PTCD2: variants seen among roughly 807,000 people sequenced by gnomAD.
The protein encoded by PTCD2 is pentatricopeptide repeat-containing protein 2, mitochondrial.
In PTCD2, 31 loss-of-function variants were observed where a neutral mutation model predicts 42.6. The observed-to-expected ratio is 0.73, with a 90% CI of 0.55 to 0.98. PTCD2 has a LOEUF of 0.98. PTCD2 is among the 50% of genes least tolerant of loss of function. The pLI, the probability that PTCD2 is intolerant of heterozygous loss-of-function variation, is 0.00. For missense variants in PTCD2, 476 were observed against 454.8 expected (o/e 1.05, Z -0.42); for synonymous variants, 183 against 170.9 (o/e 1.07, Z -0.55).
In PTCD2 at chr5:72,322,156, T is replaced by G. The variant is rs1264893679; in HGVS notation, c.128-16T>G. 1 of 1,395,624 alleles carries G rather than the reference T, an allele frequency of 7.2e-7. No individual in the cohort carries two copies. Among genetic ancestry groups the G allele is most frequent in the Admixed American group, 1.7e-5 (1 of 57,442 alleles). 86.5% of individuals were successfully genotyped at this position (1,395,624 alleles called of 1,614,324 possible). ...CAGTCAAAATGACTTTACTTTTTTCTTTCTCTGATTTTTAGCTAAAAGATA... is the reference window on the plus strand; with the variant it reads ...CAGTCAAAATGACTTTACTTTTTTCGTTCTCTGATTTTTAGCTAAAAGATA... On this transcript the variant is annotated splice_polypyrimidine_tract_variant and intron_variant, in intron 1 of 9. Coordinates refer to ENST00000380639, the MANE Select transcript of PTCD2 (RefSeq NM_024754.5).
chr5:72,329,762 C>T (rs564376667), intron 3 of PTCD2, among the ~76,000 whole-genome samples: 8 of 152,080 alleles, frequency 5.3e-5, no homozygotes, highest in Admixed American at 4.6e-4. Flanking sequence ...GATGAGGAGA[C>T]GGAAGCACAG....
At chr5:72,336,896 T>C (rs1358449419) in intron 6 of PTCD2, among the ~76,000 whole-genome samples, 1 of 152,048 alleles carries the variant, frequency 6.6e-6, no homozygotes, top group Non-Finnish European at 1.5e-5. Context: ...AACCTCTTTA[T>C]ACTGAAAACA....
intron 7 of PTCD2, among the ~76,000 whole-genome samples, chr5:72,342,377 G>A (rs1380853997): frequency 6.6e-6 from 1 of 152,200 alleles, no homozygotes; most frequent in Admixed American, 6.5e-5. Flanking sequence ...CGCTTGACTA[G>A]CCTCATCTCT....
Position 72,368,009 on chromosome 5 carries a change from G to A in PTCD2, c.*9582G>A, listed in dbSNP as rs1441659141. The stretch of plus-strand genomic sequence containing the variant: ...CAAAATATCAAATTCAGTGGGCCAT[G>A]AGTCTTGCCCAAAAGTATAAATCTT... On this transcript the variant is annotated 3_prime_UTR_variant, in exon 10 of 10. Coordinates refer to ENST00000380639, the MANE Select transcript of PTCD2 (RefSeq NM_024754.5). The A allele has an allele frequency of 6.6e-6, 1 of 152,210 alleles. No homozygotes were observed. Among genetic ancestry groups the A allele is most frequent in the Non-Finnish European group, 1.5e-5 (1 of 68,046 alleles). The allele number at this position is 152,210 out of a possible 1,614,324, so 9.4% of individuals were successfully genotyped here.
intron 2 of PTCD2, among the ~76,000 whole-genome samples, chr5:72,323,809 T>A (rs1185711573): frequency 6.6e-6 from 1 of 152,250 alleles, no homozygotes; most frequent in Non-Finnish European, 1.5e-5. Flanking sequence ...TACCGCCTAA[T>A]TTTTAATTTT....
chr5:72,350,997 G>A (rs1259417396), intron 8 of PTCD2, among the ~76,000 whole-genome samples: 1 of 152,308 alleles, frequency 6.6e-6, no homozygotes, highest in East Asian at 1.9e-4. Flanking sequence ...TGCTATGTAT[G>A]TGTTAAAAAT....
intron 6 of PTCD2, among the ~76,000 whole-genome samples, 174 bp from the exon 7 acceptor site, chr5:72,338,448 T>G (rs1751871407): frequency 6.6e-6 from 1 of 152,234 alleles, no homozygotes; most frequent in Non-Finnish European, 1.5e-5. Flanking sequence ...TGCTAGCCTA[T>G]CAGTAGCCTG....
chr5:72,362,305 T>G lies in PTCD2; in HGVS notation c.*3878T>G, dbSNP rs896462564. 2 of 152,040 alleles carry G rather than the reference T, an allele frequency of 1.3e-5. No individual in the cohort carries two copies. The highest frequency in any genetic ancestry group is 4.8e-5 in the African/African-American group (2 of 41,400). The allele number at this position is 152,040 out of a possible 1,614,324, so 9.4% of individuals were successfully genotyped here. On this transcript the variant is annotated 3_prime_UTR_variant, in exon 10 of 10. Transcript: ENST00000380639. Reference sequence around the variant, plus strand: ...CATTATAAAACAAGCCCAAAGAAATTTGGTCACCCCTTCCTTTAAGCGAGG... The same window carrying G: ...CATTATAAAACAAGCCCAAAGAAATGTGGTCACCCCTTCCTTTAAGCGAGG...
At chr5:72,324,282 A>C (rs1338784089) in intron 2 of PTCD2, among the ~76,000 whole-genome samples, 1 of 152,172 alleles carries the variant, frequency 6.6e-6, no homozygotes, top group Non-Finnish European at 1.5e-5. Flanking sequence ...CTATTGTCAG[A>C]CTGATATGTT....
At chr5:72,342,793 A>G (rs561567119) in intron 7 of PTCD2, among the ~76,000 whole-genome samples, 169 bp from the exon 8 acceptor site, 2 of 152,340 alleles carry the variant, frequency 1.3e-5, no homozygotes, top group South Asian at 2.1e-4. Flanking sequence ...ATGCGACTGG[A>G]TGGAGAATTT....
At position 72,361,688 on chromosome 5, in the gene PTCD2, C is replaced by T. The variant is rs1753097783; in HGVS notation, c.*3261C>T. On this transcript the variant is annotated 3_prime_UTR_variant, in exon 10 of 10. Coordinates refer to ENST00000380639, the MANE Select transcript of PTCD2 (RefSeq NM_024754.5). ...CCTGTTTAAAACCTCCTGAGGACCT[C>T]ACATGCTTCTGGATAAAGCTCAGGC... 1 of 152,232 alleles carries T rather than the reference C, an allele frequency of 6.6e-6. No individual in the cohort carries two copies. Among genetic ancestry groups the T allele is most frequent in the Non-Finnish European group, 1.5e-5 (1 of 68,068 alleles). The allele number at this position is 152,232 out of a possible 1,614,324, so 9.4% of individuals were successfully genotyped here.
intron 3 of PTCD2, among the ~76,000 whole-genome samples, chr5:72,330,231 T>C (rs1349800510): frequency 1.3e-5 from 2 of 152,106 alleles, no homozygotes; most frequent in East Asian, 3.9e-4. Context: ...TGAGCCACTG[T>C]GCCCGGCCTA....
chr5:72,361,794 C>T lies in PTCD2; in HGVS notation c.*3367C>T, dbSNP rs1462833131. On this transcript the variant is annotated 3_prime_UTR_variant, in exon 10 of 10. Transcript: ENST00000380639. Reference sequence around the variant, plus strand: ...CTCCAACTCTTGCTACTCTACGCCCCTCTTCCCCTCTTGTGGAATGGCTAA... The same window carrying T: ...CTCCAACTCTTGCTACTCTACGCCCTTCTTCCCCTCTTGTGGAATGGCTAA... The T allele has an allele frequency of 1.3e-5, 2 of 152,374 alleles. No individual in the cohort carries two copies. Among genetic ancestry groups the T allele is most frequent in the Non-Finnish European group, 2.9e-5 (2 of 68,158 alleles). The allele number at this position is 152,374 out of a possible 1,614,324, so 9.4% of individuals were successfully genotyped here.
At position 72,331,974 on chromosome 5, in the gene PTCD2, G is replaced by A. The variant is rs555884459; in HGVS notation, c.468+599G>A. 2.0e-5 allele frequency among the ~76,000 whole-genome samples: 3 copies of A among 152,230 alleles called. No homozygotes were observed. The East Asian group carries it at 5.8e-4, about 29-fold the overall frequency. Reference sequence around the variant, plus strand: ...TTCCATTTTGTAGATAAAGAAACTAGGACCTAGAGACATTATAAATTCATT... The same window carrying A: ...TTCCATTTTGTAGATAAAGAAACTAAGACCTAGAGACATTATAAATTCATT... On this transcript the variant is annotated intron_variant, in intron 4 of 9. Coordinates refer to ENST00000380639, the MANE Select transcript of PTCD2 (RefSeq NM_024754.5).
chr5:72,350,395 C>G (rs763675658), intron 8 of PTCD2, among the ~76,000 whole-genome samples: 16 of 152,202 alleles, frequency 1.1e-4, no homozygotes, highest in Non-Finnish European at 2.1e-4. Context: ...GTGCCTCTTG[C>G]ACACATAGGA....
At chr5:72,328,724 T>A (rs1270376734) in intron 3 of PTCD2, among the ~76,000 whole-genome samples, 1 of 152,234 alleles carries the variant, frequency 6.6e-6, no homozygotes, top group Non-Finnish European at 1.5e-5. Context: ...AATATTTTCA[T>A]GTTAATCATA....
chr5:72,333,831 C>G (rs1475207005), intron 4 of PTCD2, among the ~76,000 whole-genome samples: 3 of 152,092 alleles, frequency 2.0e-5, no homozygotes, highest in Non-Finnish European at 2.9e-5. Flanking sequence ...GTAATATATA[C>G]ATATTTCAAA....
intron 3 of PTCD2, among the ~76,000 whole-genome samples, chr5:72,329,381 T>G (rs1161327571): frequency 6.6e-6 from 1 of 152,196 alleles, no homozygotes; most frequent in African/African-American, 2.4e-5. Flanking sequence ...ATGGGGAGCA[T>G]CTTAATACCC....
At chr5:72,358,158 A>C (rs1369261991) in intron 9 of PTCD2, 45 bp from the exon 10 acceptor site, 1 of 1,496,924 alleles carries the variant, frequency 6.7e-7, no homozygotes, top group Non-Finnish European at 9.3e-7. Context: ...AGAATAAGGA[A>C]GAAATCTTGC....
Sources: allele counts gnomAD v4.1 joint callset (sites outside exome capture counted in the v4.1 genomes callset), GRCh38; gene constraint gnomAD v4.1.1; transcripts MANE v1.5; gene names NCBI Gene and HGNC (gene_info 2026-07-23, HGNC 2026-07-21).